The following SPAG16 variants were observed in gnomAD, a reference collection of about 807,000 sequenced individuals.
SPAG16 encodes sperm associated antigen 16.
In SPAG16, 86 loss-of-function variants were observed where a neutral mutation model predicts 80.4. The observed-to-expected ratio is 1.07, with a 90% CI of 0.90 to 1.28. The LOEUF (loss-of-function observed/expected upper bound fraction) is 1.28, where lower values mean the gene tolerates loss of function less well. Among genes scored for constraint, SPAG16 ranks in the 50% most tolerant of loss-of-function variants. SPAG16 has a pLI of 0.00. For synonymous variants in SPAG16, 294 were observed against 265.9 expected, an observed-to-expected ratio of 1.11 and a Z score of -1.03; for missense variants, 870 against 765.3, an observed-to-expected ratio of 1.14 and a Z score of -1.61.
At chr2:213,627,315 C>T (rs989957967) in intron 10 of SPAG16, among the ~76,000 whole-genome samples, 4 of 152,172 alleles carry the variant, frequency 2.6e-5, no homozygotes, top group Admixed American at 6.5e-5. Flanking sequence ...CTATGTGACT[C>T]AGTGTCTTCA....
chr2:213,595,912 T>G (rs1400101456), intron 10 of SPAG16, among the ~76,000 whole-genome samples: 1 of 152,106 alleles, frequency 6.6e-6, no homozygotes, highest in Non-Finnish European at 1.5e-5. Context: ...AAATGTACTT[T>G]GATCACCATT....
At chr2:213,668,160 A>G (rs2063680812) in intron 10 of SPAG16, among the ~76,000 whole-genome samples, 1 of 152,022 alleles carries the variant, frequency 6.6e-6, no homozygotes, top group Non-Finnish European at 1.5e-5. Flanking sequence ...GCTGGTCTCA[A>G]ACTCCTGACC....
chr2:213,600,598 C>G (rs1001341495), intron 10 of SPAG16, among the ~76,000 whole-genome samples: 4 of 152,140 alleles, frequency 2.6e-5, no homozygotes, highest in Non-Finnish European at 4.4e-5. Flanking sequence ...CCAACTTTCT[C>G]CATCCAATTT....
At chr2:213,602,609 G>A (rs893593943) in intron 10 of SPAG16, among the ~76,000 whole-genome samples, 1 of 152,202 alleles carries the variant, frequency 6.6e-6, no homozygotes, top group Admixed American at 6.5e-5. Context: ...GCTCCAGCCT[G>A]GCAACAGAGC....
chr2:213,484,664 A>C (rs2073898762), intron 9 of SPAG16, among the ~76,000 whole-genome samples: 1 of 152,152 alleles, frequency 6.6e-6, no homozygotes. Context: ...TTAACTTTTT[A>C]TTTTTAAAAA....
At chr2:213,644,810 C>T (rs1185014621) in intron 10 of SPAG16, among the ~76,000 whole-genome samples, 1 of 152,210 alleles carries the variant, frequency 6.6e-6, no homozygotes, top group African/African-American at 2.4e-5. Context: ...GACCTAAAGA[C>T]AGCACAGTGC....
At chr2:213,961,052 C>T (rs1371920537) in intron 12 of SPAG16, among the ~76,000 whole-genome samples, 1 of 152,120 alleles carries the variant, frequency 6.6e-6, no homozygotes, top group Admixed American at 6.6e-5. Flanking sequence ...TAGGTAGCTA[C>T]TATTATGTTA....
At chr2:213,716,882 C>T (rs2125378552) in intron 10 of SPAG16, among the ~76,000 whole-genome samples, 1 of 152,192 alleles carries the variant, frequency 6.6e-6, no homozygotes, top group Admixed American at 6.5e-5. Context: ...GGATGCAGCT[C>T]TGCACTCCTG....
intron 9 of SPAG16, among the ~76,000 whole-genome samples, chr2:213,449,879 A>G (rs879890698): frequency 6.6e-6 from 1 of 152,250 alleles, no homozygotes; most frequent in Admixed American, 6.5e-5. Flanking sequence ...TAGAATTTCT[A>G]CATGTAGTTT....
chr2:213,539,174 AAT>A (rs1348845524), intron 10 of SPAG16, among the ~76,000 whole-genome samples: 1 of 152,124 alleles, frequency 6.6e-6, no homozygotes, highest in Non-Finnish European at 1.5e-5. Flanking sequence ...AAATATTATA[AAT>A]TCCGTAGATT....
At chr2:213,790,882 T>C (rs1275024827) in intron 10 of SPAG16, among the ~76,000 whole-genome samples, 1 of 152,094 alleles carries the variant, frequency 6.6e-6, no homozygotes, top group Non-Finnish European at 1.5e-5. Flanking sequence ...GTTCTGACCT[T>C]TGTTGTCTCA....
chr2:214,082,040 G>A (rs2051419852), intron 13 of SPAG16, among the ~76,000 whole-genome samples: 3 of 152,052 alleles, frequency 2.0e-5, no homozygotes, highest in Admixed American at 2.0e-4. Context: ...GTCGGCCTGT[G>A]GCTTTGATAT....
intron 15 of SPAG16, among the ~76,000 whole-genome samples, chr2:214,287,233 G>C (rs1377852370): frequency 6.6e-6 from 1 of 152,098 alleles, no homozygotes; most frequent in Non-Finnish European, 1.5e-5. Context: ...AACTCTATCT[G>C]TACAAGCACT....
chr2:213,925,838 C>T (rs2078446112), intron 11 of SPAG16, among the ~76,000 whole-genome samples: 1 of 152,158 alleles, frequency 6.6e-6, no homozygotes, highest in Non-Finnish European at 1.5e-5. Context: ...ATTAGTGTTT[C>T]TAACACATAT....
intron 15 of SPAG16, among the ~76,000 whole-genome samples, chr2:214,355,028 G>T (rs1170042170): frequency 1.3e-5 from 2 of 152,038 alleles, no homozygotes; most frequent in African/African-American, 4.8e-5. Flanking sequence ...CAGAACTTCA[G>T]ATTAAAGACT....
At chr2:214,084,916 T>A (rs542818041) in intron 13 of SPAG16, among the ~76,000 whole-genome samples, 238 of 152,252 alleles carry the variant, frequency 1.6e-3, no homozygotes, top group African/African-American at 5.2e-3. Flanking sequence ...AGAAGAAGAC[T>A]GACAAGTAAA....
At chr2:214,202,558 AT>A (rs2058038721) in intron 15 of SPAG16, among the ~76,000 whole-genome samples, 2 of 152,206 alleles carry the variant, frequency 1.3e-5, no homozygotes, top group African/African-American at 4.8e-5. Context: ...GCAGAGGTAA[AT>A]TATCCTCAAG....
intron 13 of SPAG16, among the ~76,000 whole-genome samples, chr2:214,024,400 T>G (rs2048031755): frequency 6.6e-6 from 1 of 151,646 alleles, no homozygotes; most frequent in Non-Finnish European, 1.5e-5. Flanking sequence ...AATTTAGATA[T>G]AGTAAATATA....
At chr2:213,989,457 C>A (rs553062483) in intron 12 of SPAG16, among the ~76,000 whole-genome samples, 4 of 152,054 alleles carry the variant, frequency 2.6e-5, no homozygotes, top group African/African-American at 9.7e-5. Flanking sequence ...GGTTTTCCTG[C>A]TTTTATTTTT....
Sources: allele counts gnomAD v4.1 joint callset (sites outside exome capture counted in the v4.1 genomes callset), GRCh38; gene constraint gnomAD v4.1.1; transcripts MANE v1.5; gene names NCBI Gene and HGNC (gene_info 2026-07-23, HGNC 2026-07-21).